AHCTF1: variants seen among roughly 807,000 people sequenced by gnomAD.
AHCTF1 encodes the protein protein ELYS.
Under a neutral mutation model 248.4 loss-of-function variants are expected in AHCTF1, and 24 were observed. That is an observed-to-expected ratio of 0.10 (90% confidence interval 0.07 to 0.14). The LOEUF (loss-of-function observed/expected upper bound fraction) is 0.14, where lower values mean the gene tolerates loss of function less well. Ranked by LOEUF, AHCTF1 falls within the 10% of genes least tolerant of loss-of-function variation. AHCTF1 has a pLI of 1.00. For synonymous variants in AHCTF1, 786 were observed against 929.8 expected (o/e 0.85, Z 2.81); for missense variants, 2,206 against 2,636.2 (o/e 0.84, Z 3.57).
At chr1:246,882,518 C>T (rs1663521160) in intron 21 of AHCTF1, among the ~76,000 whole-genome samples, 1 of 152,082 alleles carries the variant, frequency 6.6e-6, no homozygotes, top group Non-Finnish European at 1.5e-5. Flanking sequence ...TGTGGGATGC[C>T]GCTAAGGTGC....
chr1:246,918,788 T>A (rs1666323497), intron 1 of AHCTF1, among the ~76,000 whole-genome samples: 1 of 152,246 alleles, frequency 6.6e-6, no homozygotes. Context: ...TATACATTAT[T>A]CCCTAGATTC....
intron 21 of AHCTF1, among the ~76,000 whole-genome samples, chr1:246,883,386 C>T (rs1022502399): frequency 1.3e-5 from 2 of 152,112 alleles, no homozygotes; most frequent in Admixed American, 6.5e-5. Flanking sequence ...TATGTATGAC[C>T]GCAGGAGATA....
chr1:246,930,513 C>T (rs966176108), intron 1 of AHCTF1, among the ~76,000 whole-genome samples: 1 of 151,692 alleles, frequency 6.6e-6, no homozygotes, highest in African/African-American at 2.4e-5. Context: ...TCAAATCCTC[C>T]GAAATAAGTA....
At chr1:246,896,350 T>C (rs1362940121) in intron 12 of AHCTF1, among the ~76,000 whole-genome samples, 2 of 152,232 alleles carry the variant, frequency 1.3e-5, no homozygotes, top group Non-Finnish European at 2.9e-5. Flanking sequence ...AATTATGGTA[T>C]GCTCATACAA....
intron 24 of AHCTF1, among the ~76,000 whole-genome samples, chr1:246,868,228 A>G (rs1662165337): frequency 6.6e-6 from 1 of 151,214 alleles, no homozygotes; most frequent in Non-Finnish European, 1.5e-5. Flanking sequence ...TGCCAGACTC[A>G]AGTGATTTTC....
chr1:246,882,649 A>G (rs1346513043), intron 21 of AHCTF1, among the ~76,000 whole-genome samples: 1 of 152,240 alleles, frequency 6.6e-6, no homozygotes, highest in Non-Finnish European at 1.5e-5. Context: ...AGGAAAAATT[A>G]TGCCTATACA....
chr1:246,888,152 C>T (rs1347144230), intron 19 of AHCTF1, 25 bp downstream of exon 19: 13 of 1,609,202 alleles, frequency 8.1e-6, no homozygotes, highest in Non-Finnish European at 1.1e-5. Context: ...ATACATGAAA[C>T]ACTGGATAAA....
rs896428530 is a variant in AHCTF1 at position 246,931,878 on chromosome 1, C to G, written c.-308G>C. 1 of 152,680 alleles carries G rather than the reference C, an allele frequency of 6.5e-6. No homozygotes were observed. Among genetic ancestry groups the G allele is most frequent in the African/African-American group, 2.4e-5 (1 of 41,474 alleles). 9.5% of individuals were successfully genotyped at this position (152,680 alleles called of 1,614,324 possible). On this transcript the variant is annotated 5_prime_UTR_variant, in exon 1 of 36. Coordinates refer to ENST00000648844, the MANE Select transcript of AHCTF1 (RefSeq NM_001323342.2). ...CCCGCCGCGCTTCTGGGTCCTTCCC[C>G]TTGCAACGCTGCCTGCTCGCCTCGG...
In AHCTF1 at chr1:246,861,231, G is replaced by A. The variant is rs1304842840; in HGVS notation, c.3800C>T (p.Thr1267Ile). Residue 1267 changes from threonine to isoleucine, a missense_variant, in exon 29 of 36, where the codon ACT becomes ATT. Physicochemically the swap from Thr to Ile is moderately conservative, Grantham distance 89 (BLOSUM62 -1). Around this residue, in one of 6 missense-constraint regions of AHCTF1, gnomAD observed 955 missense variants for 1,055.6 expected, o/e 0.90. Coordinates refer to ENST00000648844, the MANE Select transcript of AHCTF1 (RefSeq NM_001323342.2). ...CCTATCTTTGCTCTTCAGCCATTCA[G>A]TTTCCACTGGAACTGCACATTTTTT... ...TPKKCAVPVE[T>I]EWLKSKDRTT... 6.2e-7 allele frequency: 1 copy of A among 1,613,352 alleles called. No individual in the cohort carries two copies. Among genetic ancestry groups the A allele is most frequent in the East Asian group, 2.2e-5 (1 of 44,874 alleles).
intron 3 of AHCTF1, among the ~76,000 whole-genome samples, chr1:246,914,719 A>T (rs1442367923): frequency 6.6e-6 from 1 of 152,186 alleles, no homozygotes; most frequent in African/African-American, 2.4e-5. Context: ...TGAACTTTTG[A>T]AAGTGTCTAT....
At chr1:246,893,772 A>G (rs957295713) in intron 14 of AHCTF1, among the ~76,000 whole-genome samples, 1 of 152,240 alleles carries the variant, frequency 6.6e-6, no homozygotes. Flanking sequence ...TACCTAGCAC[A>G]TTCCGCTTAC....
rs766154627 is a variant in AHCTF1 at position 246,850,666 on chromosome 1, T to C, written c.5340A>G (p.Lys1780=). 2 of 1,613,992 alleles carry C rather than the reference T, an allele frequency of 1.2e-6. No homozygotes were observed. Among genetic ancestry groups the C allele is most frequent in the Non-Finnish European group, 1.7e-6 (2 of 1,179,870 alleles). Residue 1780 remains lysine, a synonymous_variant, in exon 33 of 36, where the codon AAA becomes AAG. Transcript: ENST00000648844. ...QSVRKKTRKA[K]EISEASENIY... ...TGTTTTCAGAAGCTTCAGAAATTTC[T>C]TTTGCCTTCCTAGTTTTCTTCCTGA... is the stretch of plus-strand genomic sequence containing the variant.
intron 4 of AHCTF1, among the ~76,000 whole-genome samples, chr1:246,910,397 T>C (rs371642091): frequency 1.3e-5 from 2 of 152,206 alleles, no homozygotes; most frequent in African/African-American, 4.8e-5. Flanking sequence ...AATTTGATTA[T>C]AGTCTAGATA....
intron 31 of AHCTF1, among the ~76,000 whole-genome samples, chr1:246,854,211 A>C (rs1490336351): frequency 6.6e-6 from 1 of 151,478 alleles, no homozygotes; most frequent in African/African-American, 2.4e-5. Context: ...AGGCAGGAGA[A>C]TAGCGTGAGC....
intron 20 of AHCTF1, 28 bp from the exon 21 acceptor site, chr1:246,885,708 A>C: frequency 6.4e-7 from 1 of 1,571,936 alleles, no homozygotes. Context: ...AATGTTAAAT[A>C]TAAATATAAT....
intron 7 of AHCTF1, 109 bp downstream of exon 7, chr1:246,903,837 CAAA>C (rs34620854): frequency 0.019 from 11,788 of 613,036 alleles, no homozygotes; most frequent in South Asian, 0.031. Context: ...GACTCTGTCT[CAAA>C]AAAAAAAAAA....
intron 1 of AHCTF1, among the ~76,000 whole-genome samples, chr1:246,924,537 G>A (rs1409706898): frequency 1.3e-5 from 2 of 151,902 alleles, no homozygotes; most frequent in Non-Finnish European, 2.9e-5. Context: ...GTAGCCTTAG[G>A]ATGGGAACAA....
chr1:246,922,898 G>A (rs1471824328), intron 1 of AHCTF1, among the ~76,000 whole-genome samples: 3 of 149,200 alleles, frequency 2.0e-5, no homozygotes, highest in African/African-American at 7.4e-5. Context: ...CAGGAGAATG[G>A]CATGAACCCA....
At chr1:246,868,885 C>T (rs1317069012) in intron 24 of AHCTF1, among the ~76,000 whole-genome samples, 1 of 148,686 alleles carries the variant, frequency 6.7e-6, no homozygotes. Flanking sequence ...CGCTCTGTCA[C>T]CCAGGTTGGA....
Sources: allele counts gnomAD v4.1 joint callset (sites outside exome capture counted in the v4.1 genomes callset), GRCh38; gene constraint gnomAD v4.1.1; regional missense constraint gnomAD v4.1.1; transcripts MANE v1.5; gene names NCBI Gene and HGNC (gene_info 2026-07-23, HGNC 2026-07-21).